ADGRV1: variants seen among roughly 807,000 people sequenced by gnomAD.
The protein encoded by ADGRV1 is adhesion G protein-coupled receptor V1, also known as G-protein coupled receptor 98.
In ADGRV1, 359 loss-of-function variants were observed where a neutral mutation model predicts 596.2. The ratio of observed to expected loss-of-function variants is 0.60; its 90% CI spans 0.55 to 0.66. The LOEUF is 0.66. Ranked by LOEUF, ADGRV1 falls within the 30% of genes least tolerant of loss-of-function variation. The probability of loss-of-function intolerance (pLI) is 0.00; values close to 1 mark genes in which losing one functional copy is unlikely to be tolerated. For synonymous variants in ADGRV1, 2,681 were observed against 2,679.2 expected (o/e 1.00, Z -0.02); for missense variants, 7,274 against 7,575.6 (o/e 0.96, Z 1.48).
chr5:90,820,402 T>C lies in ADGRV1; in HGVS notation c.16197-3023T>C, dbSNP rs576732447. Reference sequence around the variant, plus strand: ...CAGTCTGTGTCTTTTAATTGGAGCATTTAGTCCATTTACATTTAAAGTTAA... The same window carrying C: ...CAGTCTGTGTCTTTTAATTGGAGCACTTAGTCCATTTACATTTAAAGTTAA... On this transcript the variant is annotated intron_variant, in intron 75 of 89. Coordinates refer to ENST00000405460, the MANE Select transcript of ADGRV1 (RefSeq NM_032119.4). Among the ~76,000 whole-genome samples, 8 of 150,610 alleles carry C rather than the reference T, an allele frequency of 5.3e-5. No homozygotes were observed. In the East Asian group the frequency reaches 1.4e-3, roughly 26 times the overall value.
chr5:90,725,680 G>A (rs62373960), intron 48 of ADGRV1, 24 bp downstream of exon 48: 2 of 900,228 alleles, frequency 2.2e-6, no homozygotes, highest in Non-Finnish European at 1.6e-6. Context: ...AAAATGAAGT[G>A]GGTTTTTTTT....
intron 75 of ADGRV1, among the ~76,000 whole-genome samples, chr5:90,816,599 C>A (rs1396919341): frequency 1.4e-5 from 2 of 143,002 alleles, no homozygotes; most frequent in African/African-American, 2.6e-5. Context: ...GGGTGATGTT[C>A]CCCTTCCTGT....
intron 41 of ADGRV1, among the ~76,000 whole-genome samples, chr5:90,711,891 C>T (rs1749405873): frequency 6.6e-6 from 1 of 152,178 alleles, no homozygotes; most frequent in Non-Finnish European, 1.5e-5. Context: ...ATTCTCCTGC[C>T]TCAGCCTCCT....
intron 84 of ADGRV1, among the ~76,000 whole-genome samples, chr5:90,971,953 A>T (rs1394932047): frequency 6.6e-6 from 1 of 152,172 alleles, no homozygotes; most frequent in Non-Finnish European, 1.5e-5. Flanking sequence ...TATTCAGGAG[A>T]CCCATCTCAT....
At chr5:90,704,818 C>CTT (rs138905827) in intron 36 of ADGRV1, among the ~76,000 whole-genome samples, 2 of 145,902 alleles carry the variant, frequency 1.4e-5, no homozygotes, top group African/African-American at 5.0e-5. Flanking sequence ...CAAATTTAGT[C>CTT]TTTTTTTTTT....
intron 38 of ADGRV1, among the ~76,000 whole-genome samples, chr5:90,708,113 A>G (rs1748851585): frequency 6.6e-6 from 1 of 152,140 alleles, no homozygotes; most frequent in African/African-American, 2.4e-5. Context: ...ATGCATAAAT[A>G]TACATACACA....
At chr5:90,755,726 A>C (rs1581015145) in intron 55 of ADGRV1, among the ~76,000 whole-genome samples, 1 of 151,170 alleles carries the variant, frequency 6.6e-6, no homozygotes. Context: ...AATGATGCAC[A>C]AGAAATTTTA....
At chr5:90,759,820 C>A in intron 58 of ADGRV1, 1 of 454,616 alleles carries the variant, frequency 2.2e-6, no homozygotes, top group South Asian at 2.1e-5. Context: ...CAAAAATTAG[C>A]TGGGCGTGGT....
chr5:90,871,235 T>A (rs1768641204), intron 83 of ADGRV1, among the ~76,000 whole-genome samples: 1 of 152,172 alleles, frequency 6.6e-6, no homozygotes. Flanking sequence ...CAAAATAGAG[T>A]GAAATTTGCA....
At chr5:91,105,061 G>A (rs192380690) in intron 87 of ADGRV1, among the ~76,000 whole-genome samples, 2 of 151,896 alleles carry the variant, frequency 1.3e-5, no homozygotes, top group East Asian at 3.9e-4. Flanking sequence ...TAGAGACAGG[G>A]TTTCGCCATG....
At chr5:91,065,354 T>G (rs1787797080) in intron 85 of ADGRV1, among the ~76,000 whole-genome samples, 1 of 152,240 alleles carries the variant, frequency 6.6e-6, no homozygotes, top group South Asian at 2.1e-4. Context: ...AAAGAAGACC[T>G]TGGAAACATT....
chr5:90,890,372 C>T (rs1198421485), intron 83 of ADGRV1, among the ~76,000 whole-genome samples: 1 of 152,076 alleles, frequency 6.6e-6, no homozygotes, highest in Non-Finnish European at 1.5e-5. Flanking sequence ...TGCTCTTACA[C>T]ATGGTGTTTC....
intron 1 of ADGRV1, among the ~76,000 whole-genome samples, chr5:90,613,822 T>C (rs1763008557): frequency 6.6e-6 from 1 of 152,134 alleles, no homozygotes; most frequent in Non-Finnish European, 1.5e-5. Flanking sequence ...TAAAGCCATG[T>C]GTAGCCAAGT....
intron 50 of ADGRV1, among the ~76,000 whole-genome samples, chr5:90,734,555 G>T (rs1472636638): frequency 1.3e-5 from 2 of 149,844 alleles, no homozygotes; most frequent in South Asian, 2.1e-4. Context: ...CATCTTTTAA[G>T]AAGTGTCTTT....
chr5:91,145,399 C>A (rs961990710), intron 87 of ADGRV1, among the ~76,000 whole-genome samples: 5 of 152,206 alleles, frequency 3.3e-5, no homozygotes, highest in African/African-American at 1.2e-4. Context: ...TGAGAGAAAT[C>A]CTGAAATAAA....
chr5:90,794,228 C>T (rs1180191515), intron 70 of ADGRV1, among the ~76,000 whole-genome samples: 1 of 152,132 alleles, frequency 6.6e-6, no homozygotes, highest in Non-Finnish European at 1.5e-5. Context: ...GGTCTTTTAA[C>T]AGGGTAGGTT....
chr5:90,921,851 A>G (rs1257933044), intron 83 of ADGRV1, among the ~76,000 whole-genome samples: 1 of 150,078 alleles, frequency 6.7e-6, no homozygotes, highest in African/African-American at 2.5e-5. Flanking sequence ...CCCCAGGTCA[A>G]TGCAGCACTA....
At chr5:90,797,255 G>T (rs1760830652) in intron 70 of ADGRV1, among the ~76,000 whole-genome samples, 1 of 129,202 alleles carries the variant, frequency 7.7e-6, no homozygotes, top group Non-Finnish European at 1.6e-5. Flanking sequence ...AATATAAAGG[G>T]ATGGAGGAAT....
chr5:90,920,652 A>G (rs1024597762), intron 83 of ADGRV1, among the ~76,000 whole-genome samples: 2 of 152,192 alleles, frequency 1.3e-5, no homozygotes, highest in African/African-American at 4.8e-5. Flanking sequence ...TCTCATTAGT[A>G]TCTTTTCCTC....
Sources: gnomAD v4.1 joint callset for allele counts (sites outside exome capture counted in the v4.1 genomes callset) on GRCh38, gnomAD v4.1.1 for gene constraint, MANE v1.5 for transcripts, NCBI Gene and HGNC (gene_info 2026-07-23, HGNC 2026-07-21) for gene names.